GABRB1: variants seen among roughly 807,000 people sequenced by gnomAD.
GABRB1 encodes the protein gamma-aminobutyric acid type A receptor subunit beta1.
Under a neutral mutation model 51.6 loss-of-function variants are expected in GABRB1, and 17 were observed. That is an observed-to-expected ratio of 0.33 (90% CI 0.23 to 0.49). GABRB1 has a LOEUF of 0.49. Among genes scored for constraint, GABRB1 ranks in the 20% least tolerant of loss-of-function variants. The pLI is 0.99. For missense variants in GABRB1, 410 were observed against 600.6 expected, an observed-to-expected ratio of 0.68 and a Z score of 3.32; for synonymous variants, 247 against 218.9, an observed-to-expected ratio of 1.13 and a Z score of -1.14.
intron 3 of GABRB1, among the ~76,000 whole-genome samples, chr4:47,035,343 T>C (rs568971287): frequency 2.1e-4 from 32 of 152,158 alleles, no homozygotes; most frequent in Admixed American, 5.2e-4. Context: ...AATCTTTACA[T>C]AGTAAAGAAT....
At chr4:47,213,252 T>C (rs906873886) in intron 4 of GABRB1, among the ~76,000 whole-genome samples, 22 of 152,170 alleles carry the variant, frequency 1.4e-4, no homozygotes, top group Admixed American at 1.4e-3. Flanking sequence ...TATTTAGCTC[T>C]AGGAAGCCAG....
chr4:47,104,506 T>TTC (rs3050703), intron 3 of GABRB1, among the ~76,000 whole-genome samples: 217 of 148,962 alleles, frequency 1.5e-3, no homozygotes, highest in African/African-American at 3.8e-3. Flanking sequence ...TCCTGCTGTC[T>TTC]TCTCTCTCTC....
intron 3 of GABRB1, among the ~76,000 whole-genome samples, chr4:47,041,020 A>G (rs1397318298): frequency 6.6e-6 from 1 of 152,128 alleles, no homozygotes; most frequent in Non-Finnish European, 1.5e-5. Context: ...TCTCCACTGT[A>G]TCGCTAAAGT....
chr4:47,063,277 T>C (rs1726921585), intron 3 of GABRB1, among the ~76,000 whole-genome samples: 1 of 152,136 alleles, frequency 6.6e-6, no homozygotes, highest in African/African-American at 2.4e-5. Flanking sequence ...GAGGAACCTT[T>C]TTTAGGTAAG....
intron 3 of GABRB1, among the ~76,000 whole-genome samples, chr4:47,072,885 A>G (rs933587776): frequency 6.6e-6 from 1 of 152,190 alleles, no homozygotes; most frequent in African/African-American, 2.4e-5. Context: ...CTATTTAATC[A>G]GCATTGTTAA....
chr4:47,286,065 C>T (rs1723499525), intron 4 of GABRB1, among the ~76,000 whole-genome samples: 1 of 152,162 alleles, frequency 6.6e-6, no homozygotes, highest in Non-Finnish European at 1.5e-5. Flanking sequence ...ATTACTAAAT[C>T]CATGAAAACT....
chr4:47,265,790 T>TTTGTTTTTTGTTG (rs1392571019), intron 4 of GABRB1, among the ~76,000 whole-genome samples: 17 of 152,078 alleles, frequency 1.1e-4, no homozygotes, highest in Non-Finnish European at 1.5e-5. Context: ...ACGGGGGTCA[T>TTTGTTTTTTGTTG]TTGTTTTTTG....
intron 4 of GABRB1, among the ~76,000 whole-genome samples, chr4:47,232,025 A>C (rs988715248): frequency 6.6e-6 from 1 of 152,212 alleles, no homozygotes; most frequent in Non-Finnish European, 1.5e-5. Context: ...TGTAGTCTAC[A>C]AATGAAGGGA....
At chr4:47,019,887 A>AATATAT (rs534479213) in intron 1 of GABRB1, among the ~76,000 whole-genome samples, 3 of 78,278 alleles carry the variant, frequency 3.8e-5, no homozygotes, top group Non-Finnish European at 7.0e-5. Flanking sequence ...ATATATATAT[A>AATATAT]ATATATGTAT....
chr4:47,417,301 A>T (rs1434720500), intron 8 of GABRB1, among the ~76,000 whole-genome samples: 1 of 151,892 alleles, frequency 6.6e-6, no homozygotes, highest in African/African-American at 2.4e-5. Flanking sequence ...CTATTTCCTG[A>T]ATAATATAAT....
intron 4 of GABRB1, among the ~76,000 whole-genome samples, chr4:47,317,293 C>T (rs1724928417): frequency 6.6e-6 from 1 of 151,876 alleles, no homozygotes; most frequent in African/African-American, 2.4e-5. Context: ...CAGGACTTGC[C>T]ACATTTTAGT....
chr4:47,018,142 C>T (rs2109448239), intron 1 of GABRB1, among the ~76,000 whole-genome samples: 1 of 151,214 alleles, frequency 6.6e-6, no homozygotes, highest in East Asian at 1.9e-4. Flanking sequence ...CCTCTTTCTT[C>T]TTCCTTTTTC....
At chr4:47,389,115 G>A (rs904025051) in intron 5 of GABRB1, among the ~76,000 whole-genome samples, 3 of 152,154 alleles carry the variant, frequency 2.0e-5, no homozygotes, top group African/African-American at 7.2e-5. Flanking sequence ...GCACACTTGG[G>A]GAAGTCACAT....
At chr4:47,021,902 A>T (rs1012412627) in intron 1 of GABRB1, among the ~76,000 whole-genome samples, 3 of 152,078 alleles carry the variant, frequency 2.0e-5, no homozygotes, top group African/African-American at 7.2e-5. Context: ...AAGACTTAAA[A>T]CAGGGCCTGG....
intron 4 of GABRB1, among the ~76,000 whole-genome samples, chr4:47,221,506 GC>G (rs1425445774): frequency 1.3e-5 from 2 of 151,776 alleles, no homozygotes; most frequent in Non-Finnish European, 2.9e-5. Context: ...ATCAGAAGTG[GC>G]TTATGATTTT....
rs1176150250 is a variant in GABRB1, at chr4:47,266,800, G to A, written c.462-53327G>A. On this transcript the variant is annotated intron_variant, in intron 4 of 8. Coordinates refer to ENST00000295454, the MANE Select transcript of GABRB1 (RefSeq NM_000812.4). The stretch of plus-strand genomic sequence containing the variant: ...TGTGAATGTCTGTTGGGTCCATTTG[G>A]TTGAGGGTCCAGTTTATGTTCAGTG... Among the ~76,000 whole-genome samples, 3 of 152,032 alleles carry A rather than the reference G, an allele frequency of 2.0e-5. No individual in the cohort carries two copies. The South Asian group carries it at 6.2e-4, about 32-fold the overall frequency.
chr4:47,247,686 A>T (rs982004084), intron 4 of GABRB1, among the ~76,000 whole-genome samples: 17 of 151,700 alleles, frequency 1.1e-4, no homozygotes, highest in African/African-American at 3.9e-4. Flanking sequence ...GTCATCTATG[A>T]TTTCCTTCAG....
intron 5 of GABRB1, among the ~76,000 whole-genome samples, chr4:47,371,165 C>A (rs1727178917): frequency 6.6e-6 from 1 of 150,398 alleles, no homozygotes; most frequent in South Asian, 2.1e-4. Flanking sequence ...TCAGCTCCCA[C>A]TTATAAGTGA....
chr4:47,203,934 T>C (rs896371179), intron 4 of GABRB1, among the ~76,000 whole-genome samples: 2 of 152,106 alleles, frequency 1.3e-5, no homozygotes, highest in Non-Finnish European at 2.9e-5. Context: ...TCAGAGGACC[T>C]TAGATAGGTC....
Sources: allele counts gnomAD v4.1 joint callset (sites outside exome capture counted in the v4.1 genomes callset), GRCh38; gene constraint gnomAD v4.1.1; transcripts MANE v1.5; gene names NCBI Gene and HGNC (gene_info 2026-07-23, HGNC 2026-07-21).